The following SUFU variants were observed in gnomAD, a reference collection of about 807,000 sequenced individuals.
SUFU encodes SUFU negative regulator of hedgehog signaling, also known as suppressor of fused homolog.
A neutral mutation model predicts 58.9 loss-of-function variants in SUFU; 7 were observed. That is an observed-to-expected ratio of 0.12 (90% CI 0.07 to 0.22). The LOEUF (loss-of-function observed/expected upper bound fraction) is 0.22, where lower values mean the gene tolerates loss of function less well. Among genes scored for constraint, SUFU ranks in the 10% least tolerant of loss-of-function variants. The pLI, the probability that SUFU is intolerant of heterozygous loss-of-function variation, is 1.00. For missense variants in SUFU, 451 were observed against 641.3 expected (o/e 0.70, Z 3.20); for synonymous variants, 232 against 254.8 (o/e 0.91, Z 0.85).
intron 8 of SUFU, among the ~76,000 whole-genome samples, chr10:102,613,118 A>G (rs2063643479): frequency 6.6e-6 from 1 of 152,196 alleles, no homozygotes. Flanking sequence ...GGCTTCGATC[A>G]GAAGTCTGAC....
At chr10:102,512,068 C>T (rs765494476) in intron 2 of SUFU, among the ~76,000 whole-genome samples, 1 of 152,184 alleles carries the variant, frequency 6.6e-6, no homozygotes. Context: ...ACAGGCCTAA[C>T]CCAACTTCCT....
intron 10 of SUFU, 138 bp from the exon 11 acceptor site, chr10:102,627,037 A>G: frequency 1.1e-6 from 1 of 919,756 alleles, no homozygotes; most frequent in Non-Finnish European, 1.8e-6. Flanking sequence ...GGCCTCAAAC[A>G]CTTCCCTGTG....
chr10:102,554,200 C>T (rs1402787069), intron 3 of SUFU, among the ~76,000 whole-genome samples: 3 of 152,038 alleles, frequency 2.0e-5, no homozygotes, highest in Admixed American at 6.6e-5. Flanking sequence ...GTCAGGAGTT[C>T]GAGACCAGCC....
intron 2 of SUFU, among the ~76,000 whole-genome samples, chr10:102,523,942 C>T (rs1589989951): frequency 6.6e-6 from 1 of 152,220 alleles, no homozygotes; most frequent in Admixed American, 6.5e-5. Flanking sequence ...CCTTGCTTTT[C>T]CTCTGAAGTG....
At chr10:102,571,682 T>C (rs971076324) in intron 3 of SUFU, among the ~76,000 whole-genome samples, 1 of 152,192 alleles carries the variant, frequency 6.6e-6, no homozygotes, top group Non-Finnish European at 1.5e-5. Flanking sequence ...AGAGCAAGAC[T>C]CTGTTTCAAA....
chr10:102,616,648 C>T (rs1010164043), intron 9 of SUFU, among the ~76,000 whole-genome samples: 2 of 152,268 alleles, frequency 1.3e-5, no homozygotes, highest in Admixed American at 1.3e-4. Context: ...CTGCCCCTGC[C>T]TGCCCCTCCC....
At chr10:102,545,655 G>A (rs1461632014) in intron 2 of SUFU, among the ~76,000 whole-genome samples, 1 of 152,158 alleles carries the variant, frequency 6.6e-6, no homozygotes, top group African/African-American at 2.4e-5. Context: ...GTAGCTCACT[G>A]TGGTTTTGAT....
chr10:102,593,747 G>A (rs376262222), intron 5 of SUFU, 26 bp downstream of exon 5: 28 of 1,605,866 alleles, frequency 1.7e-5, no homozygotes, highest in East Asian at 8.9e-5. Context: ...AGGTGGGAGC[G>A]CGGCTCCCTG....
chr10:102,520,729 C>G (rs1280475310), intron 2 of SUFU, among the ~76,000 whole-genome samples: 3 of 152,150 alleles, frequency 2.0e-5, no homozygotes, highest in Non-Finnish European at 2.9e-5. Flanking sequence ...TAGTATGTAA[C>G]TTTTGCAGAC....
At chr10:102,613,161 T>C (rs1248216602) in intron 8 of SUFU, among the ~76,000 whole-genome samples, 1 of 152,228 alleles carries the variant, frequency 6.6e-6, no homozygotes, top group Non-Finnish European at 1.5e-5. Flanking sequence ...ACCCACTCTC[T>C]TTTGTAAAGG....
intron 1 of SUFU, 139 bp downstream of exon 1, chr10:102,504,473 G>A: frequency 6.7e-7 from 1 of 1,499,868 alleles, no homozygotes; most frequent in African/African-American, 1.4e-5. Flanking sequence ...TTGCTGCGAG[G>A]GAAGGAGTTA....
intron 2 of SUFU, among the ~76,000 whole-genome samples, chr10:102,511,950 G>A (rs534941314): frequency 6.6e-6 from 1 of 152,206 alleles, no homozygotes; most frequent in Non-Finnish European, 1.5e-5. Flanking sequence ...GGGCTGAAGC[G>A]ATCTTCCTGC....
rs1564710867 is a variant in SUFU, at chr10:102,625,753, TG to T, written c.1297-1417del. ...TATGATGGCGGCTTTTCTGCTCACT[TG>T]GGGGTAGTGTTCTTATTTCTCACTC... is the stretch of plus-strand genomic sequence containing the variant. On this transcript the variant is annotated intron_variant, in intron 10 of 11. Coordinates refer to ENST00000369902, the MANE Select transcript of SUFU (RefSeq NM_016169.4). This position sits in a 1 kb window ranked among gnomAD's most constrained non-coding sequence, Gnocchi z 4.7. 1.3e-5 allele frequency among the ~76,000 whole-genome samples: 2 copies of T among 152,178 alleles called. No individual in the cohort carries two copies. The highest frequency in any genetic ancestry group is 4.8e-5 in the African/African-American group (2 of 41,436).
At chr10:102,555,513 T>C (rs1449212874) in intron 3 of SUFU, among the ~76,000 whole-genome samples, 3 of 152,184 alleles carry the variant, frequency 2.0e-5, no homozygotes, top group Non-Finnish European at 4.4e-5. Context: ...CATCATATTA[T>C]ATAGCTGAAA....
intron 7 of SUFU, among the ~76,000 whole-genome samples, chr10:102,598,490 C>T (rs2063486262): frequency 6.6e-6 from 1 of 152,132 alleles, no homozygotes; most frequent in Non-Finnish European, 1.5e-5. Flanking sequence ...GTTCTAATGG[C>T]ATGCCAAGCC....
intron 2 of SUFU, among the ~76,000 whole-genome samples, chr10:102,542,835 G>T (rs1590011857): frequency 1.3e-5 from 2 of 152,056 alleles, no homozygotes; most frequent in South Asian, 4.1e-4. Flanking sequence ...ATGTTGCCCA[G>T]CCTGGTGTCG....
chr10:102,546,375 T>C (rs1246107093), intron 2 of SUFU, among the ~76,000 whole-genome samples: 1 of 152,196 alleles, frequency 6.6e-6, no homozygotes, highest in Admixed American at 6.5e-5. Flanking sequence ...TTCTTTAATT[T>C]CTATAGGAAG....
intron 3 of SUFU, among the ~76,000 whole-genome samples, chr10:102,581,518 T>C (rs756631144): frequency 1.3e-5 from 2 of 152,192 alleles, no homozygotes; most frequent in Non-Finnish European, 2.9e-5. Context: ...GAGAAGGAGC[T>C]GTCTTCCAAT....
chr10:102,579,696 C>T, intron 3 of SUFU: 1 of 314,568 alleles, frequency 3.2e-6, no homozygotes, highest in Non-Finnish European at 4.6e-6. Context: ...TCTCAGTCTT[C>T]TTTAATCAAG....
Sources: gnomAD v4.1 joint callset for allele counts (sites outside exome capture counted in the v4.1 genomes callset) on GRCh38, gnomAD v4.1.1 for gene constraint, Gnocchi (gnomAD v3.1) non-coding constraint, MANE v1.5 for transcripts, NCBI Gene and HGNC (gene_info 2026-07-23, HGNC 2026-07-21) for gene names.